Variants in PNPT1 observed in about 807,000 individuals in gnomAD.
PNPT1 encodes the protein polyribonucleotide nucleotidyltransferase 1, also known as polyribonucleotide nucleotidyltransferase 1, mitochondrial.
Under a neutral mutation model 119.5 loss-of-function variants are expected in PNPT1, and 53 were observed. The ratio of observed to expected loss-of-function variants is 0.44; its 90% CI spans 0.36 to 0.56. The LOEUF (loss-of-function observed/expected upper bound fraction) is 0.56. Among genes scored for constraint, PNPT1 ranks in the 20% least tolerant of loss-of-function variants. PNPT1 has a pLI of 0.00. For missense variants in PNPT1, 948 were observed against 938.5 expected (o/e 1.01, Z -0.13); for synonymous variants, 357 against 322.1 (o/e 1.11, Z -1.16).
chr2:55,673,854 T>G (rs1041937571), intron 8 of PNPT1, among the ~76,000 whole-genome samples: 1 of 152,084 alleles, frequency 6.6e-6, no homozygotes, highest in Non-Finnish European at 1.5e-5. Flanking sequence ...TCCAAAGTGC[T>G]GGGGATTACA....
chr2:55,690,973 T>A (rs1697579275), intron 1 of PNPT1, among the ~76,000 whole-genome samples: 2 of 152,228 alleles, frequency 1.3e-5, no homozygotes, highest in Admixed American at 1.3e-4. Context: ...AAATCTGACA[T>A]CTTGAAATTT....
chr2:55,663,156 T>A (rs1323000236), intron 13 of PNPT1, among the ~76,000 whole-genome samples: 1 of 152,172 alleles, frequency 6.6e-6, no homozygotes, highest in South Asian at 2.1e-4. Flanking sequence ...AGTGCTGGGA[T>A]TACAGGCGTG....
At position 55,660,146 on chromosome 2, in the gene PNPT1, A is replaced by G; in HGVS notation, c.1284+11T>C. The G allele has an allele frequency of 6.3e-7, 1 of 1,576,378 alleles. No individual in the cohort carries two copies. Among genetic ancestry groups the G allele is most frequent in the Non-Finnish European group, 8.6e-7 (1 of 1,163,826 alleles). On this transcript the variant is annotated intron_variant, in intron 15 of 27. Coordinates refer to ENST00000447944, the MANE Select transcript of PNPT1 (RefSeq NM_033109.5). ...TATTAATAAAATTTTGAGGAAAAAA[A>G]TTCACCTTACCTCGTAGTGCAGCAT...
intron 8 of PNPT1, among the ~76,000 whole-genome samples, chr2:55,677,013 G>A (rs745702218): frequency 2.0e-5 from 3 of 152,164 alleles, no homozygotes; most frequent in African/African-American, 4.8e-5. Context: ...GGTAAACAAG[G>A]GGTTAAAATG....
At chr2:55,658,638 T>G (rs1214116196) in intron 15 of PNPT1, among the ~76,000 whole-genome samples, 1 of 152,106 alleles carries the variant, frequency 6.6e-6, no homozygotes, top group African/African-American at 2.4e-5. Flanking sequence ...AGACCTCCAT[T>G]TTGCACAGCT....
intron 18 of PNPT1, among the ~76,000 whole-genome samples, chr2:55,652,765 AG>A (rs1315134136): frequency 6.6e-6 from 1 of 152,270 alleles, no homozygotes; most frequent in Non-Finnish European, 1.5e-5. Flanking sequence ...CTGCAAATGC[AG>A]TAATTTCTTC....
At chr2:55,666,668 T>C in intron 13 of PNPT1, among the ~76,000 whole-genome samples, 1 of 152,068 alleles carries the variant, frequency 6.6e-6, no homozygotes, top group Non-Finnish European at 1.5e-5. Context: ...AGTAAGACCT[T>C]GTCTCTACAA....
chr2:55,638,411 C>G (rs1695741109), intron 26 of PNPT1, among the ~76,000 whole-genome samples: 1 of 152,060 alleles, frequency 6.6e-6, no homozygotes, highest in Non-Finnish European at 1.5e-5. Flanking sequence ...CCTGTAGTCC[C>G]AGAACTTTGG....
At chr2:55,669,428 C>A (rs1252953806) in intron 11 of PNPT1, among the ~76,000 whole-genome samples, 1 of 152,180 alleles carries the variant, frequency 6.6e-6, no homozygotes, top group Non-Finnish European at 1.5e-5. Context: ...AACCAAAACA[C>A]AAGAAATGGT....
At chr2:55,652,268 G>A (rs1437715831) in intron 18 of PNPT1, among the ~76,000 whole-genome samples, 1 of 152,166 alleles carries the variant, frequency 6.6e-6, no homozygotes, top group Non-Finnish European at 1.5e-5. Flanking sequence ...GGCAGGGCAA[G>A]CCCTACTCTA....
chr2:55,662,403 G>C (rs539761713), intron 13 of PNPT1, among the ~76,000 whole-genome samples: 2 of 152,122 alleles, frequency 1.3e-5, no homozygotes, highest in East Asian at 1.9e-4. Context: ...CAGGCCAGGC[G>C]TGGTGGCCCA....
At chr2:55,662,607 G>A (rs958453781) in intron 13 of PNPT1, among the ~76,000 whole-genome samples, 5 of 152,330 alleles carry the variant, frequency 3.3e-5, no homozygotes, top group South Asian at 2.1e-4. Flanking sequence ...TCCAACAGGC[G>A]AGGTTGCAGT....
intron 3 of PNPT1, among the ~76,000 whole-genome samples, chr2:55,686,007 G>A (rs553685068): frequency 2.0e-5 from 3 of 152,224 alleles, no homozygotes; most frequent in African/African-American, 7.2e-5. Flanking sequence ...ATCCATGGTT[G>A]GTTGAATCCA....
chr2:55,655,028 C>T, intron 17 of PNPT1, 75 bp from the exon 18 acceptor site: 2 of 1,308,282 alleles, frequency 1.5e-6, no homozygotes, highest in Non-Finnish European at 1.1e-6. Context: ...TTGGTTATTT[C>T]CTTATAAATA....
Position 55,671,068 on chromosome 2 carries a change from A to G in PNPT1, c.976+251T>C, listed in dbSNP as rs782633. ...GCAAAGGGGACTTTCTCTTTCCCCG[A>G]AACAGTTCGGGGAAGCTTTGGAGAA... On this transcript the variant is annotated intron_variant, in intron 11 of 27. Coordinates refer to ENST00000447944, the MANE Select transcript of PNPT1 (RefSeq NM_033109.5). 0.44 allele frequency among the ~76,000 whole-genome samples: 67,562 copies of G among 152,010 alleles called. 15,901 individuals are homozygous for G. The highest frequency in any genetic ancestry group is 0.52 in the Non-Finnish European group (35,361 of 67,958).
chr2:55,648,187 T>C (rs1696060293), intron 18 of PNPT1, among the ~76,000 whole-genome samples: 2 of 152,200 alleles, frequency 1.3e-5, no homozygotes, highest in African/African-American at 2.4e-5. Context: ...AATGTAAATA[T>C]AATCTTTTGT....
At chr2:55,680,227 G>A (rs566602981) in intron 7 of PNPT1, among the ~76,000 whole-genome samples, 1 of 152,250 alleles carries the variant, frequency 6.6e-6, no homozygotes, top group East Asian at 1.9e-4. Flanking sequence ...CTGATCATAA[G>A]TAATTATCTG....
chr2:55,665,478 C>T (rs982427288), intron 13 of PNPT1, among the ~76,000 whole-genome samples: 4 of 151,920 alleles, frequency 2.6e-5, no homozygotes, highest in African/African-American at 9.7e-5. Context: ...AAGTTTGTTA[C>T]CAAAAGGAAT....
intron 17 of PNPT1, 147 bp downstream of exon 17, chr2:55,655,984 G>T (rs1170392695): frequency 1.0e-6 from 1 of 959,374 alleles, no homozygotes; most frequent in Non-Finnish European, 1.5e-6. Context: ...ATTAAGACAA[G>T]TATTTGATTA....
Sources: gnomAD v4.1 joint callset for allele counts (sites outside exome capture counted in the v4.1 genomes callset) on GRCh38, gnomAD v4.1.1 for gene constraint, MANE v1.5 for transcripts, NCBI Gene and HGNC (gene_info 2026-07-23, HGNC 2026-07-21) for gene names.